PAM: variants seen among roughly 807,000 people sequenced by gnomAD.
PAM encodes the protein peptidylglycine alpha-amidating monooxygenase.
PAM carries 72 observed loss-of-function variants against 122.1 expected under a neutral mutation model. The ratio of observed to expected loss-of-function variants is 0.59; its 90% confidence interval spans 0.49 to 0.72. The LOEUF (loss-of-function observed/expected upper bound fraction) is 0.72, where lower values mean the gene tolerates loss of function less well. PAM is among the 30% of genes least tolerant of loss of function. The pLI is 0.00. For synonymous variants in PAM, 389 were observed against 404.4 expected (o/e 0.96, Z 0.46); for missense variants, 1,106 against 1,183.7 (o/e 0.93, Z 0.96).
chr5:102,955,404 C>T (rs1341788666), intron 12 of PAM, among the ~76,000 whole-genome samples: 1 of 151,956 alleles, frequency 6.6e-6, no homozygotes, highest in Non-Finnish European at 1.5e-5. Context: ...TTTGATCTGA[C>T]TCATTATTCA....
upstream of PAM, chr5:102,755,037 C>T (rs1219797561): frequency 1.3e-5 from 2 of 152,334 alleles, no homozygotes. Flanking sequence ...CTCCACTTCC[C>T]AAGCTCCGCG....
chr5:102,782,725 C>CTCTCTCTGTG (rs1387780206), intron 1 of PAM, among the ~76,000 whole-genome samples: 1 of 140,188 alleles, frequency 7.1e-6, no homozygotes, highest in Admixed American at 7.0e-5. Flanking sequence ...CTCTCTCTCT[C>CTCTCTCTGTG]TGTGTGTGTG....
At chr5:102,965,133 G>T (rs1328557192) in intron 14 of PAM, among the ~76,000 whole-genome samples, 1 of 148,878 alleles carries the variant, frequency 6.7e-6, no homozygotes, top group African/African-American at 2.5e-5. Flanking sequence ...TATAGAATGA[G>T]GAAGTTCACA....
intron 20 of PAM, among the ~76,000 whole-genome samples, chr5:103,009,172 A>C (rs920618929): frequency 3.9e-5 from 6 of 152,198 alleles, no homozygotes; most frequent in Admixed American, 3.9e-4. Flanking sequence ...TACAAAAAGT[A>C]TTCATGGTGT....
chr5:102,766,984 G>A (rs929454936), intron 1 of PAM, among the ~76,000 whole-genome samples: 120 of 30,584 alleles, frequency 3.9e-3, no homozygotes, highest in African/African-American at 0.015. Flanking sequence ...TTGACTTTCT[G>A]TTCTTTCTTT....
At chr5:102,886,321 C>A (rs186769739) in intron 3 of PAM, among the ~76,000 whole-genome samples, 2 of 151,904 alleles carry the variant, frequency 1.3e-5, no homozygotes, top group East Asian at 3.9e-4. Flanking sequence ...CTAGCAAATC[C>A]CAAAGATATT....
intron 6 of PAM, among the ~76,000 whole-genome samples, 175 bp from the exon 7 acceptor site, chr5:102,926,410 T>C (rs1749555684): frequency 6.6e-6 from 1 of 152,234 alleles, no homozygotes; most frequent in African/African-American, 2.4e-5. Context: ...TTTGAGGAGA[T>C]TATAATGACA....
chr5:102,900,593 A>G (rs1337163463), intron 3 of PAM, among the ~76,000 whole-genome samples: 2 of 151,600 alleles, frequency 1.3e-5, no homozygotes, highest in Non-Finnish European at 3.0e-5. Flanking sequence ...AGCTCTGTGC[A>G]GTAATAATCC....
chr5:102,950,692 T>G (rs759857959), intron 11 of PAM, 25 bp from the exon 12 acceptor site: 2 of 1,313,860 alleles, frequency 1.5e-6, no homozygotes, highest in Admixed American at 3.4e-5. Context: ...ATATTAATGA[T>G]TCATTGTGTT....
At chr5:102,913,040 A>G (rs780839095) in intron 4 of PAM, among the ~76,000 whole-genome samples, 10 of 151,986 alleles carry the variant, frequency 6.6e-5, no homozygotes, top group Non-Finnish European at 1.3e-4. Context: ...ATTTTATCAA[A>G]CAGACCAAAA....
chr5:102,879,177 G>A (rs1047460205), intron 3 of PAM, among the ~76,000 whole-genome samples: 2 of 152,006 alleles, frequency 1.3e-5, no homozygotes, highest in African/African-American at 2.4e-5. Context: ...TGATCTGCCC[G>A]CTTCGGCCTC....
chr5:102,974,552 T>C, intron 15 of PAM, 116 bp downstream of exon 15: 2 of 657,518 alleles, frequency 3.0e-6, no homozygotes, highest in Middle Eastern at 2.6e-4. Context: ...AAAGGACTTA[T>C]CATTAGAAAA....
chr5:102,904,165 T>C lies in PAM; in HGVS notation c.268+2752T>C, dbSNP rs540542426. Among the ~76,000 whole-genome samples the C allele has an allele frequency of 1.6e-4, 24 of 151,594 alleles. No homozygotes were observed. In the East Asian group the frequency reaches 4.7e-3, roughly 30 times the overall value. ...AATGAAGCTATAGCCTTTTTGTGGA[T>C]TGTCCCAAATTCCAGATCTCAGGAT... On this transcript the variant is annotated intron_variant, in intron 4 of 25. Coordinates refer to ENST00000438793, the MANE Select transcript of PAM (RefSeq NM_001177306.2).
chr5:102,768,037 T>C (rs1373170732), intron 1 of PAM, among the ~76,000 whole-genome samples: 1 of 152,074 alleles, frequency 6.6e-6, no homozygotes, highest in East Asian at 1.9e-4. Context: ...GCACTTAGAG[T>C]GGAGACCAGT....
chr5:102,866,361 CA>C, intron 2 of PAM, 77 bp downstream of exon 2: 1 of 901,030 alleles, frequency 1.1e-6, no homozygotes. Flanking sequence ...TGAGTGTTGG[CA>C]AAATAGACGG....
intron 7 of PAM, among the ~76,000 whole-genome samples, chr5:102,929,785 C>G (rs968444936): frequency 6.6e-6 from 1 of 152,106 alleles, no homozygotes; most frequent in Non-Finnish European, 1.5e-5. Context: ...CTTGTCCAAG[C>G]TGCAGGCCAC....
At chr5:102,964,518 T>C (rs1763441168) in intron 14 of PAM, among the ~76,000 whole-genome samples, 1 of 151,842 alleles carries the variant, frequency 6.6e-6, no homozygotes, top group Non-Finnish European at 1.5e-5. Context: ...CATGCAACAA[T>C]AGGAAACATT....
intron 20 of PAM, 38 bp from the exon 21 acceptor site, chr5:103,009,713 A>C: frequency 9.3e-7 from 1 of 1,071,794 alleles, no homozygotes; most frequent in Non-Finnish European, 1.5e-6. Flanking sequence ...ATTCTTACCC[A>C]TATTTTAAAG....
intron 23 of PAM, among the ~76,000 whole-genome samples, chr5:103,023,706 A>G (rs1469594377): frequency 6.6e-6 from 1 of 152,038 alleles, no homozygotes; most frequent in Non-Finnish European, 1.5e-5. Context: ...TAGCCATAGT[A>G]CAGGGAAGGA....
Sources: gnomAD v4.1 joint callset for allele counts (sites outside exome capture counted in the v4.1 genomes callset) on GRCh38, gnomAD v4.1.1 for gene constraint, MANE v1.5 for transcripts, NCBI Gene and HGNC (gene_info 2026-07-23, HGNC 2026-07-21) for gene names.